The following INVS variants were observed in gnomAD, a reference collection of about 807,000 sequenced individuals.
The protein encoded by INVS is inversin.
Under a neutral mutation model 108.8 loss-of-function variants are expected in INVS, and 86 were observed. The observed-to-expected ratio is 0.79, with a 90% CI of 0.66 to 0.95. The LOEUF is 0.95. Ranked by LOEUF, INVS falls within the 40% of genes least tolerant of loss-of-function variation. The probability of loss-of-function intolerance (pLI) is 0.00; values close to 1 mark genes in which losing one functional copy is unlikely to be tolerated. For missense variants in INVS, 1,169 were observed against 1,297.4 expected (o/e 0.90, Z 1.52); for synonymous variants, 455 against 473.5 (o/e 0.96, Z 0.51).
chr9:100,239,774 C>G (rs1263094165), intron 5 of INVS, among the ~76,000 whole-genome samples: 1 of 152,016 alleles, frequency 6.6e-6, no homozygotes, highest in Non-Finnish European at 1.5e-5. Flanking sequence ...GAATTCAAGA[C>G]CAGCCTGAGA....
At chr9:100,183,554 AGAC>A (rs1829959291) in intron 3 of INVS, among the ~76,000 whole-genome samples, 1 of 152,200 alleles carries the variant, frequency 6.6e-6, no homozygotes, top group East Asian at 1.9e-4. Flanking sequence ...GCACTTTGGG[AGAC>A]TGAGGAGGGC....
At chr9:100,186,341 C>T (rs1048344409) in intron 3 of INVS, among the ~76,000 whole-genome samples, 3 of 151,878 alleles carry the variant, frequency 2.0e-5, no homozygotes, top group South Asian at 2.1e-4. Flanking sequence ...TTAGTAGAGA[C>T]GGGGTTTCAC....
intron 3 of INVS, among the ~76,000 whole-genome samples, chr9:100,184,576 G>C (rs1179497063): frequency 6.6e-6 from 1 of 152,122 alleles, no homozygotes; most frequent in Non-Finnish European, 1.5e-5. Flanking sequence ...GCATGTCTGT[G>C]CACCTATAGT....
At chr9:100,148,296 A>G (rs1828692551) in intron 3 of INVS, among the ~76,000 whole-genome samples, 1 of 152,224 alleles carries the variant, frequency 6.6e-6, no homozygotes, top group South Asian at 2.1e-4. Flanking sequence ...TGCAGACTAG[A>G]GCAGAAGTAG....
chr9:100,286,547 T>C (rs1833448903), intron 13 of INVS, among the ~76,000 whole-genome samples: 1 of 152,146 alleles, frequency 6.6e-6, no homozygotes, highest in Non-Finnish European at 1.5e-5. Flanking sequence ...TCAAAAAATA[T>C]ATATATCTAA....
At chr9:100,202,346 G>T (rs987572638) in intron 3 of INVS, among the ~76,000 whole-genome samples, 2 of 152,186 alleles carry the variant, frequency 1.3e-5, no homozygotes, top group African/African-American at 4.8e-5. Context: ...GGATCTTAAA[G>T]ATATGGTCAA....
At chr9:100,257,926 C>G (rs1054770415) in intron 10 of INVS, among the ~76,000 whole-genome samples, 7 of 152,124 alleles carry the variant, frequency 4.6e-5, no homozygotes, top group African/African-American at 1.7e-4. Context: ...GTGGCATTCT[C>G]TGTATTTCCT....
intron 3 of INVS, among the ~76,000 whole-genome samples, chr9:100,192,403 TTC>T (rs1325108833): frequency 1.3e-5 from 2 of 152,188 alleles, no homozygotes; most frequent in African/African-American, 4.8e-5. Flanking sequence ...CTGAATTATA[TTC>T]TGTTGCACAA....
intron 12 of INVS, among the ~76,000 whole-genome samples, chr9:100,280,597 T>A (rs936019745): frequency 6.6e-6 from 1 of 152,228 alleles, no homozygotes; most frequent in African/African-American, 2.4e-5. Flanking sequence ...GTCATAGAAC[T>A]TTTTTTAATT....
At chr9:100,283,026 C>T (rs878925035) in intron 12 of INVS, among the ~76,000 whole-genome samples, 1 of 152,192 alleles carries the variant, frequency 6.6e-6, no homozygotes, top group Non-Finnish European at 1.5e-5. Flanking sequence ...AAGTCCTTTT[C>T]AGCCGGGCGC....
chr9:100,146,122 G>T (rs550348957), intron 3 of INVS, among the ~76,000 whole-genome samples: 1 of 152,190 alleles, frequency 6.6e-6, no homozygotes, highest in African/African-American at 2.4e-5. Context: ...AATTTCATGC[G>T]CATCTGTGTA....
chr9:100,173,352 G>A (rs1271458890), intron 3 of INVS, among the ~76,000 whole-genome samples: 2 of 152,192 alleles, frequency 1.3e-5, no homozygotes, highest in African/African-American at 4.8e-5. Flanking sequence ...TCTTCAAAGA[G>A]GATGAAAACT....
In INVS at chr9:100,113,249, A is replaced by T. The variant is rs1018537673; in HGVS notation, c.106+8622A>T. On this transcript the variant is annotated intron_variant, in intron 2 of 16. Transcript: ENST00000262457. ...TGTTGTACTACACAGAGTCTTGTGC[A>T]TAAGGGCTTCTGTTATTATATGTGT... Among the ~76,000 whole-genome samples, 3 of 121,056 alleles carry T rather than the reference A, an allele frequency of 2.5e-5. No homozygotes were observed. In the East Asian group the frequency reaches 1.9e-3, roughly 78 times the overall value. 79.4% of individuals were successfully genotyped at this position (121,056 alleles called of 152,430 possible).
intron 8 of INVS, among the ~76,000 whole-genome samples, chr9:100,249,832 T>C (rs1832169529): frequency 6.7e-6 from 1 of 148,726 alleles, no homozygotes; most frequent in Admixed American, 6.7e-5. Context: ...AGGCCGAGCG[T>C]GGTAGCTCAC....
intron 3 of INVS, among the ~76,000 whole-genome samples, chr9:100,203,479 C>T (rs1830588431): frequency 6.7e-6 from 1 of 148,402 alleles, no homozygotes; most frequent in South Asian, 2.1e-4. Context: ...AAAACATTTA[C>T]TGCAGCATTT....
chr9:100,219,063 A>C (rs1831067915), intron 3 of INVS, among the ~76,000 whole-genome samples: 1 of 152,266 alleles, frequency 6.6e-6, no homozygotes, highest in Non-Finnish European at 1.5e-5. Flanking sequence ...TATTATTCAG[A>C]TTACGAATTC....
chr9:100,184,995 C>T (rs1172049121), intron 3 of INVS, among the ~76,000 whole-genome samples: 2 of 152,126 alleles, frequency 1.3e-5, no homozygotes, highest in East Asian at 3.9e-4. Flanking sequence ...TATTGATTGT[C>T]AGTTATTAAT....
intron 3 of INVS, among the ~76,000 whole-genome samples, chr9:100,133,725 A>G (rs1414335289): frequency 1.4e-5 from 2 of 146,848 alleles, no homozygotes; most frequent in Non-Finnish European, 3.0e-5. Context: ...ATATTGGTAC[A>G]TTCACTCTCG....
chr9:100,247,840 A>G lies in INVS; in HGVS notation c.1078+1053A>G, dbSNP rs1022725023. 3.3e-5 allele frequency among the ~76,000 whole-genome samples: 5 copies of G among 152,034 alleles called. No homozygotes were observed. The East Asian group carries it at 9.7e-4, about 29-fold the overall frequency. Reference sequence around the variant, plus strand: ...TTTTTTCTTTTTGAGACGGAGTCTCACTCTGTCACCCAGGCTGGAGTGCAG... The same window carrying G: ...TTTTTTCTTTTTGAGACGGAGTCTCGCTCTGTCACCCAGGCTGGAGTGCAG... On this transcript the variant is annotated intron_variant, in intron 8 of 16. Transcript: ENST00000262457.
Sources: allele counts gnomAD v4.1 joint callset (sites outside exome capture counted in the v4.1 genomes callset), GRCh38; gene constraint gnomAD v4.1.1; transcripts MANE v1.5; gene names NCBI Gene and HGNC (gene_info 2026-07-23, HGNC 2026-07-21).